DACH1: variants seen among roughly 807,000 people sequenced by gnomAD.
DACH1 encodes the protein dachshund homolog 1.
Under a neutral mutation model 54.2 loss-of-function variants are expected in DACH1, and 12 were observed. The ratio of observed to expected loss-of-function variants is 0.22; its 90% CI spans 0.14 to 0.36. DACH1 has a LOEUF of 0.36. Ranked by LOEUF, DACH1 falls within the 10% of genes least tolerant of loss-of-function variation. The probability of loss-of-function intolerance (pLI) is 1.00; values close to 1 mark genes in which losing one functional copy is unlikely to be tolerated. For missense variants in DACH1, 805 were observed against 929.8 expected (o/e 0.87, Z 1.75); for synonymous variants, 386 against 366.2 (o/e 1.05, Z -0.62).
At chr13:71,666,008 T>A (rs1357135570) in intron 2 of DACH1, among the ~76,000 whole-genome samples, 3 of 152,128 alleles carry the variant, frequency 2.0e-5, no homozygotes, top group African/African-American at 7.2e-5. Context: ...TACCATGTAG[T>A]AGTTAGTTAT....
intron 3 of DACH1, 131 bp from the exon 4 acceptor site, chr13:71,573,143 C>G (rs1343829233): frequency 4.5e-6 from 4 of 886,116 alleles, no homozygotes; most frequent in Non-Finnish European, 6.7e-6. Flanking sequence ...AAAAATTTCA[C>G]TTACTACTCA....
At chr13:71,466,649 C>T (rs576141720) in intron 10 of DACH1, among the ~76,000 whole-genome samples, 164 of 152,126 alleles carry the variant, frequency 1.1e-3, no homozygotes, top group African/African-American at 3.8e-3. Context: ...TCGAGATCAG[C>T]CTGAGCAACA....
chr13:71,577,434 TC>T (rs1347929057), intron 3 of DACH1, among the ~76,000 whole-genome samples: 2 of 152,174 alleles, frequency 1.3e-5, no homozygotes, highest in Non-Finnish European at 2.9e-5. Context: ...TCTCTTCAAA[TC>T]CCATTTTATA....
At chr13:71,492,732 T>C (rs556678445) in intron 6 of DACH1, among the ~76,000 whole-genome samples, 138 of 151,408 alleles carry the variant, frequency 9.1e-4, no homozygotes, top group African/African-American at 3.3e-3. Context: ...TCTTGTTCTG[T>C]GTGTGTGTGA....
chr13:71,642,816 T>C (rs1450008070), intron 2 of DACH1, among the ~76,000 whole-genome samples: 2 of 151,790 alleles, frequency 1.3e-5, no homozygotes, highest in Non-Finnish European at 2.9e-5. Flanking sequence ...AGGTCAGGAG[T>C]TCGAGACCAG....
chr13:71,571,700 C>T (rs1309324908), intron 4 of DACH1, among the ~76,000 whole-genome samples: 12 of 149,140 alleles, frequency 8.0e-5, no homozygotes, highest in Non-Finnish European at 1.3e-4. Context: ...TTGTATGTTA[C>T]TCCACATTGT....
At chr13:71,499,136 G>GACACACGC (rs1555288004) in intron 6 of DACH1, among the ~76,000 whole-genome samples, 1 of 149,198 alleles carries the variant, frequency 6.7e-6, no homozygotes, top group African/African-American at 2.5e-5. Context: ...CACACACGCA[G>GACACACGC]ACACACACAC....
intron 10 of DACH1, among the ~76,000 whole-genome samples, chr13:71,453,376 A>G (rs150752389): frequency 1.6e-4 from 25 of 152,296 alleles, no homozygotes; most frequent in African/African-American, 5.8e-4. Context: ...ATCAAATAAG[A>G]TGCTACAGAG....
At chr13:71,684,209 G>A (rs185053745) in intron 1 of DACH1, among the ~76,000 whole-genome samples, 92 of 152,150 alleles carry the variant, frequency 6.0e-4, no homozygotes, top group Admixed American at 3.1e-3. Context: ...CCACTCCAGA[G>A]TCTAGAGTCC....
intron 1 of DACH1, among the ~76,000 whole-genome samples, chr13:71,815,671 C>A (rs1268176155): frequency 1.3e-5 from 2 of 152,148 alleles, no homozygotes; most frequent in Non-Finnish European, 2.9e-5. Flanking sequence ...AATTAAAACT[C>A]AATAAATGAT....
chr13:71,841,107 G>T (rs568490163), intron 1 of DACH1, among the ~76,000 whole-genome samples: 1 of 152,210 alleles, frequency 6.6e-6, no homozygotes, highest in Non-Finnish European at 1.5e-5. Context: ...TGGATGCCAT[G>T]AAATCATAAG....
intron 1 of DACH1, among the ~76,000 whole-genome samples, chr13:71,713,191 C>T (rs1406690901): frequency 2.0e-5 from 3 of 151,748 alleles, no homozygotes; most frequent in African/African-American, 4.8e-5. Context: ...GTTGACCTAG[C>T]AGGGCAGGCT....
At chr13:71,483,255 G>A (rs933165309) in intron 7 of DACH1, among the ~76,000 whole-genome samples, 1 of 150,794 alleles carries the variant, frequency 6.6e-6, no homozygotes, top group African/African-American at 2.4e-5. Context: ...AACATATAAT[G>A]TAGGGCCAAT....
intron 3 of DACH1, among the ~76,000 whole-genome samples, chr13:71,598,077 C>CA (rs112426536): frequency 0.14 from 12,710 of 89,012 alleles, 1,311 homozygotes; most frequent in African/African-American, 0.33. Context: ...AAGACCCTGT[C>CA]AAAAAAAAAA....
At chr13:71,672,923 T>C (rs1178675157) in intron 2 of DACH1, among the ~76,000 whole-genome samples, 2 of 152,212 alleles carry the variant, frequency 1.3e-5, no homozygotes, top group Non-Finnish European at 2.9e-5. Context: ...CTTTTCTTAA[T>C]GTAAGTAAAC....
At chr13:71,604,040 T>C (rs1346492240) in intron 3 of DACH1, among the ~76,000 whole-genome samples, 1 of 151,884 alleles carries the variant, frequency 6.6e-6, no homozygotes, top group East Asian at 1.9e-4. Context: ...GGGGGCTTGA[T>C]GGGATACATT....
intron 1 of DACH1, among the ~76,000 whole-genome samples, chr13:71,698,272 C>T (rs1485455098): frequency 6.6e-6 from 1 of 151,944 alleles, no homozygotes; most frequent in African/African-American, 2.4e-5. Flanking sequence ...AAAAATAATA[C>T]ACATATGTAA....
intron 6 of DACH1, among the ~76,000 whole-genome samples, chr13:71,543,943 G>T (rs2138339159): frequency 6.6e-6 from 1 of 150,646 alleles, no homozygotes; most frequent in Admixed American, 6.6e-5. Context: ...CTCTAGAATT[G>T]TCCCACCTTA....
At chr13:71,694,566 T>C (rs778117617) in intron 1 of DACH1, among the ~76,000 whole-genome samples, 8 of 152,216 alleles carry the variant, frequency 5.3e-5, no homozygotes, top group Non-Finnish European at 1.0e-4. Context: ...TTAATACTAA[T>C]GTTCAATGTT....
Sources: gnomAD v4.1 joint callset for allele counts (sites outside exome capture counted in the v4.1 genomes callset) on GRCh38, gnomAD v4.1.1 for gene constraint, MANE v1.5 for transcripts, NCBI Gene and HGNC (gene_info 2026-07-23, HGNC 2026-07-21) for gene names.